The following ROBO1 variants were observed in gnomAD, a reference collection of about 807,000 sequenced individuals.
ROBO1 encodes the protein roundabout guidance receptor 1, also known as roundabout homolog 1.
Under a neutral mutation model 195.9 loss-of-function variants are expected in ROBO1, and 149 were observed. The observed-to-expected ratio is 0.76, with a 90% confidence interval of 0.67 to 0.87. ROBO1 has a LOEUF of 0.87. Ranked by LOEUF, ROBO1 falls within the 40% of genes least tolerant of loss-of-function variation. ROBO1 has a pLI of 0.00. For synonymous variants in ROBO1, 816 were observed against 733.2 expected (o/e 1.11, Z -1.82); for missense variants, 1,933 against 2,068.3 (o/e 0.93, Z 1.27).
intron 3 of ROBO1, among the ~76,000 whole-genome samples, chr3:78,971,732 CT>C (rs1457694046): frequency 2.2e-4 from 33 of 152,046 alleles, no homozygotes; most frequent in South Asian, 6.2e-4. Flanking sequence ...GTACTGACAT[CT>C]TTTAAATATT....
At chr3:79,214,182 G>C (rs1302906928) in intron 2 of ROBO1, among the ~76,000 whole-genome samples, 1 of 151,650 alleles carries the variant, frequency 6.6e-6, no homozygotes, top group African/African-American at 2.4e-5. Context: ...TTGTTGTTAT[G>C]GTAGAAAATT....
chr3:79,193,954 T>C (rs142995717), intron 2 of ROBO1, among the ~76,000 whole-genome samples: 1 of 151,734 alleles, frequency 6.6e-6, no homozygotes, highest in East Asian at 1.9e-4. Context: ...GAGACCTAGT[T>C]AGGGTAATCA....
chr3:79,746,392 T>G (rs901717176), intron 1 of ROBO1, among the ~76,000 whole-genome samples: 1 of 152,048 alleles, frequency 6.6e-6, no homozygotes, highest in Non-Finnish European at 1.5e-5. Flanking sequence ...AATTAATTTG[T>G]GGCCACTTTA....
intron 10 of ROBO1, among the ~76,000 whole-genome samples, chr3:78,677,863 G>A (rs1708535738): frequency 6.6e-6 from 1 of 151,808 alleles, no homozygotes; most frequent in Non-Finnish European, 1.5e-5. Context: ...CAAATCAACA[G>A]AATATACATT....
chr3:78,818,456 G>T lies in ROBO1; in HGVS notation c.500-71556C>A, dbSNP rs781479568. Among the ~76,000 whole-genome samples, 86 of 152,206 alleles carry T rather than the reference G, an allele frequency of 5.7e-4. 2 individuals are homozygous for T. Among genetic ancestry groups the T allele is most frequent in the Non-Finnish European group, 2.6e-4 (18 of 68,038 alleles). On this transcript the variant is annotated intron_variant, in intron 4 of 30. Transcript: ENST00000464233. ...AGACCACAAGTGCCCATGACGATTT[G>T]TGGAAGCCGGGGTCCTGCTGCCACC...
intron 18 of ROBO1, among the ~76,000 whole-genome samples, chr3:78,653,458 A>G (rs1267159713): frequency 1.3e-5 from 2 of 152,106 alleles, no homozygotes; most frequent in African/African-American, 4.8e-5. Flanking sequence ...GAACTCCCCA[A>G]AGGAAACCTG....
At chr3:79,094,263 A>G (rs1252303697) in intron 3 of ROBO1, among the ~76,000 whole-genome samples, 1 of 152,122 alleles carries the variant, frequency 6.6e-6, no homozygotes, top group East Asian at 1.9e-4. Flanking sequence ...AGAGTAAGAA[A>G]AAACTTAAAA....
intron 2 of ROBO1, among the ~76,000 whole-genome samples, chr3:79,440,082 C>T (rs758083008): frequency 1.8e-4 from 28 of 152,002 alleles, no homozygotes; most frequent in Non-Finnish European, 3.1e-4. Flanking sequence ...AGTATTCTCT[C>T]GTTATCTACA....
At chr3:79,238,010 G>A (rs1038262065) in intron 2 of ROBO1, among the ~76,000 whole-genome samples, 5 of 152,130 alleles carry the variant, frequency 3.3e-5, no homozygotes, top group African/African-American at 1.2e-4. Flanking sequence ...GCCATTTGAG[G>A]TCTTGGCACA....
intron 3 of ROBO1, among the ~76,000 whole-genome samples, chr3:79,093,978 A>C (rs924931030): frequency 1.2e-4 from 18 of 152,080 alleles, no homozygotes; most frequent in African/African-American, 4.3e-4. Flanking sequence ...CTAAAATGTA[A>C]ATGAAAGAGA....
At chr3:79,640,834 G>C (rs958427827) in intron 1 of ROBO1, among the ~76,000 whole-genome samples, 4 of 152,086 alleles carry the variant, frequency 2.6e-5, no homozygotes, top group African/African-American at 9.7e-5. Context: ...CTCACCAATA[G>C]GAATCATTGA....
intron 3 of ROBO1, among the ~76,000 whole-genome samples, chr3:78,954,967 A>G (rs201549118): frequency 7.4e-5 from 4 of 53,842 alleles, no homozygotes; most frequent in Admixed American, 1.7e-4. Flanking sequence ...TTTTTTTTTT[A>G]CTTTTATGTT....
At chr3:79,551,090 T>C (rs1342492103) in intron 2 of ROBO1, among the ~76,000 whole-genome samples, 3 of 152,140 alleles carry the variant, frequency 2.0e-5, no homozygotes, top group South Asian at 4.1e-4. Context: ...GATTTTGGGC[T>C]CTTCAGCCTC....
intron 2 of ROBO1, among the ~76,000 whole-genome samples, chr3:79,247,494 T>C (rs1397385028): frequency 3.3e-5 from 5 of 151,972 alleles, no homozygotes. Context: ...AGAGTTCATT[T>C]ACTAAGAGAA....
chr3:79,728,412 A>C (rs1357963011), intron 1 of ROBO1, among the ~76,000 whole-genome samples: 2 of 152,072 alleles, frequency 1.3e-5, no homozygotes, highest in African/African-American at 2.4e-5. Flanking sequence ...GTTCTACATT[A>C]ATTTCATCCC....
At chr3:79,185,532 A>G (rs1349318083) in intron 2 of ROBO1, among the ~76,000 whole-genome samples, 1 of 152,106 alleles carries the variant, frequency 6.6e-6, no homozygotes, top group East Asian at 1.9e-4. Context: ...TTGATTTCCT[A>G]TTAGGTATTC....
At chr3:79,606,385 C>T (rs1176774810) in intron 1 of ROBO1, among the ~76,000 whole-genome samples, 1 of 151,982 alleles carries the variant, frequency 6.6e-6, no homozygotes, top group African/African-American at 2.4e-5. Context: ...GACCCTCTCT[C>T]TTTGTGTCTG....
Position 78,717,801 on chromosome 3 carries a change from C to T in ROBO1, c.740G>A (p.Gly247Glu). Residue 247 changes from glycine to glutamate, a missense_variant, in exon 6 of 31, where the codon GGG becomes GAG. Coordinates refer to ENST00000464233, the MANE Select transcript of ROBO1 (RefSeq NM_002941.4). ...KYVCVGTNMV[G>E]ERESEVAELT... ...CTCGGCTACTTCACTCTCACGTTCCCCAACCATATTGGTACCAACACAAAC... is the reference window on the plus strand; with the variant it reads ...CTCGGCTACTTCACTCTCACGTTCCTCAACCATATTGGTACCAACACAAAC... 6.2e-7 allele frequency: 1 copy of T among 1,613,694 alleles called. No individual in the cohort carries two copies. Among genetic ancestry groups the T allele is most frequent in the Non-Finnish European group, 8.5e-7 (1 of 1,179,746 alleles).
chr3:79,225,288 G>A (rs2082207127), intron 2 of ROBO1, among the ~76,000 whole-genome samples: 1 of 152,086 alleles, frequency 6.6e-6, no homozygotes. Context: ...ACTGTATTTT[G>A]ATATCACTAT....
Sources: allele counts gnomAD v4.1 joint callset (sites outside exome capture counted in the v4.1 genomes callset), GRCh38; gene constraint gnomAD v4.1.1; transcripts MANE v1.5; gene names NCBI Gene and HGNC (gene_info 2026-07-23, HGNC 2026-07-21).